Variants in NREP observed in about 807,000 individuals in gnomAD.
The protein encoded by NREP is neuronal regeneration related protein, also known as neuronal regeneration-related protein.
A neutral mutation model predicts 8.6 loss-of-function variants in NREP; 5 were observed. That is an observed-to-expected ratio of 0.58 (90% CI 0.30 to 1.22). The LOEUF (loss-of-function observed/expected upper bound fraction) is 1.22. Ranked by LOEUF, NREP falls within the 50% of genes most tolerant of loss-of-function variation. The probability of loss-of-function intolerance (pLI) is 0.07; values close to 1 mark genes in which losing one functional copy is unlikely to be tolerated. For synonymous variants in NREP, 27 were observed against 28.0 expected, an observed-to-expected ratio of 0.96 and a Z score of 0.11; for missense variants, 86 against 82.5, an observed-to-expected ratio of 1.04 and a Z score of -0.17.
chr5:111,968,405 T>G (rs569826423), intron 2 of NREP, among the ~76,000 whole-genome samples: 1 of 152,296 alleles, frequency 6.6e-6, no homozygotes, highest in South Asian at 2.1e-4. Flanking sequence ...CTGGACATGT[T>G]TAGTTTGAAT....
chr5:111,898,132 G>A (rs964813533), intron 2 of NREP, among the ~76,000 whole-genome samples: 2 of 152,128 alleles, frequency 1.3e-5, no homozygotes, highest in Non-Finnish European at 2.9e-5. Flanking sequence ...AGAGCCACTG[G>A]AGAGTTTTGA....
chr5:111,884,081 A>G (rs1244559045), intron 2 of NREP, among the ~76,000 whole-genome samples: 1 of 152,232 alleles, frequency 6.6e-6, no homozygotes, highest in East Asian at 1.9e-4. Flanking sequence ...CACTAGGAAG[A>G]CCAATAAAGA....
At chr5:111,831,971 T>C (rs1752779342) in intron 2 of NREP, among the ~76,000 whole-genome samples, 1 of 152,264 alleles carries the variant, frequency 6.6e-6, no homozygotes, top group African/African-American at 2.4e-5. Flanking sequence ...GTAGGCCAAG[T>C]GTAGGACAAA....
Position 111,849,298 on chromosome 5 carries a change from A to G in NREP, c.136-113791T>C, listed in dbSNP as rs1332164362. Among the ~76,000 whole-genome samples, 6 of 152,262 alleles carry G rather than the reference A, an allele frequency of 3.9e-5. No homozygotes were observed. In the East Asian group the frequency reaches 1.2e-3, roughly 29 times the overall value. On this transcript the variant is annotated intron_variant, in intron 2 of 3. Transcript: ENST00000395634. ...GGGGATGCAAATTTTCAGAGGCACT[A>G]GGGAAAAAACACGGTGTTCCAGTCA... is the stretch of plus-strand genomic sequence containing the variant.
At chr5:111,830,803 A>G (rs1032068285) in intron 2 of NREP, among the ~76,000 whole-genome samples, 2 of 152,238 alleles carry the variant, frequency 1.3e-5, no homozygotes, top group Non-Finnish European at 2.9e-5. Flanking sequence ...TGGGGACACC[A>G]TGATTCTACT....
At chr5:111,792,550 T>C (rs542741946) in intron 2 of NREP, among the ~76,000 whole-genome samples, 1 of 152,308 alleles carries the variant, frequency 6.6e-6, no homozygotes, top group East Asian at 1.9e-4. Flanking sequence ...ACAACTAGGA[T>C]TTTCCTTTTA....
intron 2 of NREP, among the ~76,000 whole-genome samples, chr5:111,856,507 G>C (rs1753430932): frequency 6.6e-6 from 1 of 152,120 alleles, no homozygotes; most frequent in South Asian, 2.1e-4. Context: ...GTTCGAAGCA[G>C]TATGATGGGA....
Position 111,733,312 on chromosome 5 carries a change from G to C in NREP, c.81+2118C>G, listed in dbSNP as rs567908313. On this transcript the variant is annotated intron_variant, in intron 3 of 3. Transcript: ENST00000257435. ...AAGCATACAGACTGGACCCTCATGA[G>C]GCAATGGTAGTAGGGCCCACAGGGA... The C allele has an allele frequency of 2.0e-5, 3 of 152,162 alleles. No individual in the cohort carries two copies. In the East Asian group the frequency reaches 5.8e-4, roughly 30 times the overall value. 9.4% of individuals were successfully genotyped at this position (152,162 alleles called of 1,614,324 possible). A position where few individuals can be genotyped will look rare whatever the true frequency, so the allele number is the denominator to read the frequency against.
chr5:111,841,966 G>A (rs1753040447), intron 2 of NREP, among the ~76,000 whole-genome samples: 1 of 152,094 alleles, frequency 6.6e-6, no homozygotes, highest in African/African-American at 2.4e-5. Context: ...ATATCTATGG[G>A]CCTACTGGAT....
intron 2 of NREP, among the ~76,000 whole-genome samples, chr5:111,801,826 C>T (rs1232749440): frequency 6.6e-6 from 1 of 152,058 alleles, no homozygotes; most frequent in Non-Finnish European, 1.5e-5. Flanking sequence ...GTAAAATATA[C>T]CATGACAAGT....
chr5:111,868,502 T>G (rs1053953814), intron 2 of NREP, among the ~76,000 whole-genome samples: 4 of 152,192 alleles, frequency 2.6e-5, no homozygotes, highest in African/African-American at 9.7e-5. Flanking sequence ...TCAAAGAAAT[T>G]GAGCCATAAA....
chr5:111,749,675 C>T (rs542222772), intron 2 of NREP, among the ~76,000 whole-genome samples: 9 of 152,244 alleles, frequency 5.9e-5, no homozygotes, highest in African/African-American at 1.9e-4. Flanking sequence ...TAGCACATGC[C>T]AGCACCCAGT....
intron 2 of NREP, among the ~76,000 whole-genome samples, chr5:111,834,765 G>A (rs375661868): frequency 5.9e-5 from 9 of 152,236 alleles, no homozygotes; most frequent in African/African-American, 1.9e-4. Context: ...GTGTATTGGA[G>A]TGGGAAAAAT....
intron 2 of NREP, among the ~76,000 whole-genome samples, chr5:111,743,978 G>A (rs1438421251): frequency 1.3e-5 from 2 of 152,100 alleles, no homozygotes; most frequent in Middle Eastern, 3.2e-3. Context: ...AAAGCCTTCA[G>A]TTAAGGGCTG....
intron 2 of NREP, among the ~76,000 whole-genome samples, chr5:111,940,799 C>G (rs948307453): frequency 6.6e-6 from 1 of 152,044 alleles, no homozygotes; most frequent in Non-Finnish European, 1.5e-5. Context: ...AGACCACACT[C>G]ATGCCCCAAA....
intron 2 of NREP, among the ~76,000 whole-genome samples, chr5:111,912,300 T>TA (rs1754934961): frequency 6.6e-6 from 1 of 152,032 alleles, no homozygotes; most frequent in Non-Finnish European, 1.5e-5. Flanking sequence ...CAAAATGAGC[T>TA]AGGGTCTGCC....
At chr5:111,788,423 T>C (rs1751664812) in intron 2 of NREP, among the ~76,000 whole-genome samples, 1 of 152,192 alleles carries the variant, frequency 6.6e-6, no homozygotes, top group Non-Finnish European at 1.5e-5. Context: ...GGAGAGAAAC[T>C]GAGCTGTGTC....
intron 2 of NREP, among the ~76,000 whole-genome samples, chr5:111,939,514 G>A (rs1292020785): frequency 6.6e-6 from 1 of 151,892 alleles, no homozygotes; most frequent in African/African-American, 2.4e-5. Flanking sequence ...CCTGAAATCA[G>A]TATTTGCAGC....
rs993885665 is a variant in NREP at position 111,730,174 on chromosome 5, T to C, written c.*747A>G. 2.6e-5 allele frequency: 4 copies of C among 152,570 alleles called. No individual in the cohort carries two copies. The highest frequency in any genetic ancestry group is 9.7e-5 in the African/African-American group (4 of 41,434). 9.5% of individuals were successfully genotyped at this position (152,570 alleles called of 1,614,324 possible). On this transcript the variant is annotated 3_prime_UTR_variant, in exon 4 of 4. Coordinates refer to ENST00000257435, the MANE Select transcript of NREP (RefSeq NM_004772.4). ...AACGAGACAATGGTCTCTCACACTC[T>C]GGTAGCATTCGCTCAACCTACAACA...
Sources: allele counts gnomAD v4.1 joint callset (sites outside exome capture counted in the v4.1 genomes callset), GRCh38; gene constraint gnomAD v4.1.1; transcripts MANE v1.5; gene names NCBI Gene and HGNC (gene_info 2026-07-23, HGNC 2026-07-21).